Variants in ZNF600 observed in about 807,000 individuals in gnomAD.
ZNF600 encodes the protein zinc finger protein KR-ZNF1.
In ZNF600, 4 loss-of-function variants were observed where a neutral mutation model predicts 7.3. The observed-to-expected ratio is 0.55, with a 90% CI of 0.27 to 1.25. The LOEUF is 1.25. ZNF600 is among the 50% of genes most tolerant of loss of function. ZNF600 has a pLI of 0.12. For synonymous variants in ZNF600, 290 were observed against 308.9 expected (o/e 0.94, Z 0.64); for missense variants, 911 against 922.1 (o/e 0.99, Z 0.16).
At chr19:52,781,962 G>C (rs1005394883) in intron 1 of ZNF600, among the ~76,000 whole-genome samples, 1 of 147,642 alleles carries the variant, frequency 6.8e-6, no homozygotes, top group Non-Finnish European at 1.5e-5. Flanking sequence ...TCAGGATGCT[G>C]AGGCAGGAGA....
At chr19:52,799,353 T>C in the ZNF600 span, 2 of 545,298 alleles carry the variant, frequency 3.7e-6, no homozygotes, top group East Asian at 6.5e-5. Context: ...CTTACATCTG[T>C]GTGGTTTCTC....
At chr19:52,831,363 G>A in the ZNF600 span, among the ~76,000 whole-genome samples, 1 of 152,066 alleles carries the variant, frequency 6.6e-6, no homozygotes, top group Non-Finnish European at 1.5e-5. Context: ...AGGCTGGAGT[G>A]CAGTGGTGTG....
At chr19:52,775,979 C>T (rs2147531249) in intron 2 of ZNF600, among the ~76,000 whole-genome samples, 2 of 151,206 alleles carry the variant, frequency 1.3e-5, no homozygotes, top group South Asian at 4.2e-4. Context: ...GTACTTCAGC[C>T]TGGGTGACAG....
exon 4 of ZNF600, chr19:52,766,417 A>T (rs772126847): frequency 4.3e-6 from 7 of 1,614,126 alleles, no homozygotes; most frequent in Non-Finnish European, 5.1e-6. Context: ...ACCTTTTCAC[A>T]TTCTTCATAT....
At chr19:52,787,677 T>C (rs2147597156), upstream of ZNF600, among the ~76,000 whole-genome samples, 1 of 150,960 alleles carries the variant, frequency 6.6e-6, no homozygotes, top group South Asian at 2.1e-4. Flanking sequence ...GCTAACACAG[T>C]GAAACCCCAT....
chr19:52,830,244 C>T, the ZNF600 span, among the ~76,000 whole-genome samples: 5 of 152,174 alleles, frequency 3.3e-5, no homozygotes, highest in South Asian at 6.2e-4. Flanking sequence ...TGCAGTCCAG[C>T]GTGGGCAACA....
chr19:52,801,546 T>C, the ZNF600 span: 5 of 1,614,072 alleles, frequency 3.1e-6, no homozygotes, highest in Admixed American at 3.3e-5. Flanking sequence ...TTCTTTCCAC[T>C]GAAACTGGAA....
the ZNF600 span, among the ~76,000 whole-genome samples, chr19:52,824,428 A>G: frequency 1.3e-5 from 2 of 152,148 alleles, no homozygotes; most frequent in Non-Finnish European, 2.9e-5. Flanking sequence ...TGAGGTCAGG[A>G]CTGTGAAACC....
chr19:52,769,455 G>A (rs2062615233), intron 3 of ZNF600, among the ~76,000 whole-genome samples: 1 of 152,190 alleles, frequency 6.6e-6, no homozygotes, highest in African/African-American at 2.4e-5. Flanking sequence ...TCGGCTGCCA[G>A]GAAGGGAAGG....
At chr19:52,799,194 T>C in the ZNF600 span, 7 of 416,648 alleles carry the variant, frequency 1.7e-5, no homozygotes, top group Non-Finnish European at 3.2e-5. Context: ...GTAGGGTTTC[T>C]CTCCAATACG....
the ZNF600 span, chr19:52,801,703 C>T: frequency 6.2e-7 from 1 of 1,609,700 alleles, no homozygotes. Flanking sequence ...GAAGAGATAT[C>T]TACAAAATAT....
the ZNF600 span, among the ~76,000 whole-genome samples, chr19:52,793,758 A>C: frequency 7.1e-6 from 1 of 140,258 alleles, no homozygotes; most frequent in Admixed American, 7.8e-5. Context: ...GAAGAGCCAA[A>C]CTCTGCCACA....
chr19:52,820,325 G>T, the ZNF600 span, among the ~76,000 whole-genome samples: 1 of 135,224 alleles, frequency 7.4e-6, no homozygotes, highest in Admixed American at 7.5e-5. Flanking sequence ...CACCTTGTTA[G>T]CCAGGATGGT....
chr19:52,787,263 G>GC (rs202145207), upstream of ZNF600, among the ~76,000 whole-genome samples: 4,478 of 152,258 alleles, frequency 0.029, 107 homozygotes, highest in Non-Finnish European at 0.039. Context: ...CGGGCACGAG[G>GC]CGGAAGCCTG....
exon 2 of ZNF600, chr19:52,778,881 C>T: frequency 6.2e-7 from 1 of 1,604,936 alleles, no homozygotes; most frequent in South Asian, 1.1e-5. Flanking sequence ...TGCTTCTTCA[C>T]ATAACATGAG....
At chr19:52,804,196 C>A in the ZNF600 span, among the ~76,000 whole-genome samples, 1 of 152,204 alleles carries the variant, frequency 6.6e-6, no homozygotes, top group Non-Finnish European at 1.5e-5. Flanking sequence ...AGGCTGTCAC[C>A]AGGAACCAAT....
chr19:52,811,978 C>T, the ZNF600 span, among the ~76,000 whole-genome samples: 1 of 40,462 alleles, frequency 2.5e-5, no homozygotes, highest in South Asian at 7.3e-4. Flanking sequence ...GTGAGGAGCC[C>T]CTCTGCCTGG....
chr19:52,780,168 T>G (rs994260337), intron 1 of ZNF600, among the ~76,000 whole-genome samples: 1 of 152,224 alleles, frequency 6.6e-6, no homozygotes, highest in South Asian at 2.1e-4. Flanking sequence ...TATTGATTGA[T>G]GTCTCATGTC....
chr19:52,768,364 T>C (rs186335385), intron 3 of ZNF600, among the ~76,000 whole-genome samples: 7 of 145,806 alleles, frequency 4.8e-5, no homozygotes, highest in Non-Finnish European at 7.5e-5. Context: ...CACCTGAACC[T>C]GGGAGGCAGA....
Sources: allele counts gnomAD v4.1 joint callset (sites outside exome capture counted in the v4.1 genomes callset), GRCh38; gene constraint gnomAD v4.1.1; transcripts MANE v1.5; gene names NCBI Gene and HGNC (gene_info 2026-07-23, HGNC 2026-07-21).